The following SLC10A7 variants were observed in gnomAD, a reference collection of about 807,000 sequenced individuals.
The protein encoded by SLC10A7 is solute carrier family 10 member 7.
A neutral mutation model predicts 43.2 loss-of-function variants in SLC10A7; 29 were observed. The observed-to-expected ratio is 0.67, with a 90% confidence interval of 0.50 to 0.92. SLC10A7 has a LOEUF of 0.92. Ranked by LOEUF, SLC10A7 falls within the 40% of genes least tolerant of loss-of-function variation. The probability of loss-of-function intolerance (pLI) is 0.00; values close to 1 mark genes in which losing one functional copy is unlikely to be tolerated. For synonymous variants in SLC10A7, 152 were observed against 144.8 expected (o/e 1.05, Z -0.35); for missense variants, 295 against 403.2 (o/e 0.73, Z 2.30).
rs1462687047 is a variant in SLC10A7, at chr4:146,517,127, A to G, written c.101-7T>C. On this transcript the variant is annotated splice_region_variant and splice_polypyrimidine_tract_variant and intron_variant, in intron 1 of 11. Coordinates refer to ENST00000335472, the MANE Select transcript of SLC10A7 (RefSeq NM_001029998.6). ...ATTTCTGGCTTCAGTGGTCCTAAAAAGAGAAAAAAGAGTTATTGCTAGAAA... is the reference window on the plus strand; with the variant it reads ...ATTTCTGGCTTCAGTGGTCCTAAAAGGAGAAAAAAGAGTTATTGCTAGAAA... 1 of 1,586,460 alleles carries G rather than the reference A, an allele frequency of 6.3e-7. No individual in the cohort carries two copies. Among genetic ancestry groups the G allele is most frequent in the East Asian group, 2.2e-5 (1 of 44,622 alleles).
chr4:146,334,382 A>C (rs920127463), intron 5 of SLC10A7, among the ~76,000 whole-genome samples: 1 of 152,118 alleles, frequency 6.6e-6, no homozygotes, highest in African/African-American at 2.4e-5. Context: ...TCAATAGATG[A>C]CTAGTGTGAA....
chr4:146,454,472 C>G (rs2149920212), intron 4 of SLC10A7, among the ~76,000 whole-genome samples: 1 of 151,984 alleles, frequency 6.6e-6, no homozygotes, highest in South Asian at 2.1e-4. Flanking sequence ...CTCCAGACAT[C>G]TCTTGCACCC....
At chr4:146,476,599 G>C (rs1383923795) in intron 4 of SLC10A7, among the ~76,000 whole-genome samples, 3 of 152,138 alleles carry the variant, frequency 2.0e-5, no homozygotes, top group African/African-American at 7.2e-5. Flanking sequence ...CCACAGTCTA[G>C]TGGGATGCTG....
chr4:146,314,653 A>T (rs900645383), intron 6 of SLC10A7, among the ~76,000 whole-genome samples: 2 of 152,152 alleles, frequency 1.3e-5, no homozygotes, highest in African/African-American at 4.8e-5. Flanking sequence ...CCATATATGA[A>T]GATGGTGTCA....
intron 4 of SLC10A7, among the ~76,000 whole-genome samples, chr4:146,467,830 T>A (rs1733185575): frequency 1.3e-5 from 2 of 152,292 alleles, no homozygotes; most frequent in South Asian, 4.1e-4. Flanking sequence ...CCCAAAGTGC[T>A]GGGATTACAG....
intron 5 of SLC10A7, among the ~76,000 whole-genome samples, chr4:146,390,025 T>A (rs577128687): frequency 6.6e-6 from 1 of 152,356 alleles, no homozygotes; most frequent in African/African-American, 2.4e-5. Flanking sequence ...ACAATTATAA[T>A]AGTACATAAC....
intron 4 of SLC10A7, among the ~76,000 whole-genome samples, chr4:146,499,261 A>G (rs1736188874): frequency 6.6e-6 from 1 of 152,208 alleles, no homozygotes; most frequent in South Asian, 2.1e-4. Flanking sequence ...ATGCCACAGC[A>G]ATTCTATTGC....
Position 146,472,960 on chromosome 4 carries a change from A to G in SLC10A7, c.397-30139T>C, listed in dbSNP as rs1317698352. Among the ~76,000 whole-genome samples the G allele has an allele frequency of 2.0e-5, 3 of 152,220 alleles. No homozygotes were observed. The East Asian group carries it at 5.8e-4, about 29-fold the overall frequency. ...TTCAAATATAAAAGCCCAAGTTGGT[A>G]AAAAGCAAACCACTTGGTCACCGGT... is the stretch of plus-strand genomic sequence containing the variant. On this transcript the variant is annotated intron_variant, in intron 4 of 11. Coordinates refer to ENST00000335472, the MANE Select transcript of SLC10A7 (RefSeq NM_001029998.6).
In SLC10A7 at chr4:146,469,653, G is replaced by A. The variant is rs568481640; in HGVS notation, c.397-26832C>T. ...AAGATTATTTATTTATGTATTTATT[G>A]GGTCTTCCTCTGTCACCCAGGCTTG... On this transcript the variant is annotated intron_variant, in intron 4 of 11. Transcript: ENST00000335472. Among the ~76,000 whole-genome samples the A allele has an allele frequency of 3.3e-5, 5 of 152,118 alleles. No individual in the cohort carries two copies. In the South Asian group the frequency reaches 1.0e-3, roughly 32 times the overall value.
intron 2 of SLC10A7, among the ~76,000 whole-genome samples, chr4:146,511,805 G>A (rs1436342793): frequency 1.3e-5 from 2 of 152,022 alleles, no homozygotes; most frequent in East Asian, 3.9e-4. Context: ...GAGAAAACTT[G>A]AGCACCAGCA....
At chr4:146,481,693 C>T (rs1734491345) in intron 4 of SLC10A7, among the ~76,000 whole-genome samples, 1 of 152,170 alleles carries the variant, frequency 6.6e-6, no homozygotes, top group Non-Finnish European at 1.5e-5. Context: ...GCAACGGACC[C>T]CAGCCTAGTG....
chr4:146,392,517 ACACT>A (rs1321062406), intron 5 of SLC10A7, among the ~76,000 whole-genome samples: 4 of 152,194 alleles, frequency 2.6e-5, no homozygotes, highest in Admixed American at 6.5e-5. Flanking sequence ...ATACACACAC[ACACT>A]CACTCATACT....
At chr4:146,516,473 TATGTGTATATATATACACATATAC>T (rs1317896264) in intron 2 of SLC10A7, among the ~76,000 whole-genome samples, 3 of 146,920 alleles carry the variant, frequency 2.0e-5, no homozygotes, top group African/African-American at 7.5e-5. Context: ...TGTATATGTA[TATGTGTATATATATACACATATAC>T]ATATACACAT....
intron 5 of SLC10A7, among the ~76,000 whole-genome samples, chr4:146,371,525 C>T (rs1736778021): frequency 6.6e-6 from 1 of 152,110 alleles, no homozygotes; most frequent in Admixed American, 6.6e-5. Flanking sequence ...AGAAGGGTGG[C>T]ATCATGAGAA....
chr4:146,371,374 A>G (rs994416357), intron 5 of SLC10A7, among the ~76,000 whole-genome samples: 1 of 148,664 alleles, frequency 6.7e-6, no homozygotes, highest in South Asian at 2.2e-4. Flanking sequence ...TCTTCCTTGT[A>G]TACAAAGTCA....
At chr4:146,312,087 A>C (rs911197207) in intron 6 of SLC10A7, among the ~76,000 whole-genome samples, 1 of 152,188 alleles carries the variant, frequency 6.6e-6, no homozygotes, top group African/African-American at 2.4e-5. Flanking sequence ...GCATGCATCA[A>C]GCTAAAATTG....
At chr4:146,478,900 T>C (rs1348934841) in intron 4 of SLC10A7, among the ~76,000 whole-genome samples, 6 of 152,084 alleles carry the variant, frequency 3.9e-5, no homozygotes. Context: ...TCACCAACAT[T>C]TTTCCCAAGA....
chr4:146,293,053 G>C (rs1730549492), intron 8 of SLC10A7, 73 bp from the exon 9 acceptor site: 1 of 919,564 alleles, frequency 1.1e-6, no homozygotes, highest in Admixed American at 2.6e-5. Flanking sequence ...TGGTATACTT[G>C]TTTTATCTAA....
chr4:146,427,795 G>A (rs533785627), intron 5 of SLC10A7, among the ~76,000 whole-genome samples: 1 of 152,140 alleles, frequency 6.6e-6, no homozygotes, highest in East Asian at 1.9e-4. Context: ...TGCATACCTC[G>A]GTAGCTACTG....
Sources: allele counts gnomAD v4.1 joint callset (sites outside exome capture counted in the v4.1 genomes callset), GRCh38; gene constraint gnomAD v4.1.1; transcripts MANE v1.5; gene names NCBI Gene and HGNC (gene_info 2026-07-23, HGNC 2026-07-21).